CACNA1C: variants seen among roughly 807,000 people sequenced by gnomAD.
The protein encoded by CACNA1C is calcium voltage-gated channel subunit alpha1 C.
Under a neutral mutation model 229.0 loss-of-function variants are expected in CACNA1C, and 30 were observed. That is an observed-to-expected ratio of 0.13 (90% CI 0.10 to 0.18). The LOEUF (loss-of-function observed/expected upper bound fraction) is 0.18, where lower values mean the gene tolerates loss of function less well. Ranked by LOEUF, CACNA1C falls within the 10% of genes least tolerant of loss-of-function variation. The pLI is 1.00. For synonymous variants in CACNA1C, 1,114 were observed against 1,132.5 expected (o/e 0.98, Z 0.33); for missense variants, 1,658 against 2,845.0 (o/e 0.58, Z 9.49).
At chr12:2,524,422 G>C (rs1251911628) in intron 9 of CACNA1C, among the ~76,000 whole-genome samples, 2 of 152,240 alleles carry the variant, frequency 1.3e-5, no homozygotes, top group African/African-American at 4.8e-5. Context: ...AGAAGACAGA[G>C]AGCAGAGTTT....
intron 3 of CACNA1C, among the ~76,000 whole-genome samples, chr12:2,206,772 T>C (rs2097767811): frequency 6.6e-6 from 1 of 152,330 alleles, no homozygotes; most frequent in Admixed American, 6.5e-5. Flanking sequence ...AATGGACCCA[T>C]TGTTGTGTGA....
At chr12:2,071,377 C>CTACTAATTGTTT (rs2061295200) in intron 1 of CACNA1C, among the ~76,000 whole-genome samples, 4 of 151,362 alleles carry the variant, frequency 2.6e-5, no homozygotes, top group African/African-American at 7.3e-5. Flanking sequence ...GGCACCATGC[C>CTACTAATTGTTT]CAACTAATTG....
In CACNA1C at chr12:2,175,590, A is replaced by C. The variant is rs111818517; in HGVS notation, c.477+55160A>C. ...TCCGGGATTGGCAGCCTCATCCTTC[A>C]TCTATTACTGAGGCCCCATCAGCCT... On this transcript the variant is annotated intron_variant, in intron 3 of 46. Transcript: ENST00000399655. Among the ~76,000 whole-genome samples the C allele has an allele frequency of 6.3e-3, 965 of 152,220 alleles. 10 individuals are homozygous for C. The highest frequency in any genetic ancestry group is 0.035 in the South Asian group (166 of 4,808).
chr12:2,072,202 A>C (rs1381775995), intron 1 of CACNA1C, among the ~76,000 whole-genome samples: 10 of 137,744 alleles, frequency 7.3e-5, no homozygotes, highest in Non-Finnish European at 1.5e-5. Flanking sequence ...TATACAAAAA[A>C]TATATATATA....
At chr12:2,615,055 G>A (rs1373623069) in intron 29 of CACNA1C, 1 of 152,120 alleles carries the variant, frequency 6.6e-6, no homozygotes, top group Non-Finnish European at 1.5e-5. Flanking sequence ...AAAGCCTCAG[G>A]AACCTGCAGG....
intron 1 of CACNA1C, among the ~76,000 whole-genome samples, chr12:2,086,675 G>A (rs2067806900): frequency 6.6e-6 from 1 of 152,180 alleles, no homozygotes; most frequent in South Asian, 2.1e-4. Flanking sequence ...ATTTCATTCT[G>A]CAGGGCTTCT....
intron 3 of CACNA1C, among the ~76,000 whole-genome samples, chr12:2,162,179 T>G (rs568303915): frequency 1.1e-4 from 16 of 152,086 alleles, no homozygotes; most frequent in Non-Finnish European, 2.1e-4. Context: ...GGACACACCT[T>G]ACTCCCAAAG....
intron 9 of CACNA1C, among the ~76,000 whole-genome samples, chr12:2,540,786 TG>T (rs1165297141): frequency 6.6e-6 from 1 of 152,014 alleles, no homozygotes; most frequent in East Asian, 1.9e-4. Context: ...GGCAGCCCGG[TG>T]TGGTTGGAGT....
chr12:2,193,891 T>A (rs1000396023), intron 3 of CACNA1C, among the ~76,000 whole-genome samples: 4 of 152,214 alleles, frequency 2.6e-5, no homozygotes, highest in African/African-American at 9.6e-5. Flanking sequence ...GTCTTGGTAT[T>A]GAAGACAGTG....
Position 2,368,889 on chromosome 12 carries a change from G to A in CACNA1C, c.478-80087G>A, listed in dbSNP as rs58166411. ...GAAAGATATGTCATGAGCACAGTGA[G>A]GAAAGGATAAGAGACGGCATTCCTA... On this transcript the variant is annotated intron_variant, in intron 3 of 46. Transcript: ENST00000399655. Among the ~76,000 whole-genome samples, 745 of 152,290 alleles carry A rather than the reference G, an allele frequency of 4.9e-3. 7 individuals are homozygous for A. The highest frequency in any genetic ancestry group is 0.017 in the African/African-American group (696 of 41,544).
intron 3 of CACNA1C, among the ~76,000 whole-genome samples, chr12:2,232,726 GA>G (rs1699787910): frequency 6.6e-6 from 1 of 152,044 alleles, no homozygotes; most frequent in Non-Finnish European, 1.5e-5. Context: ...TTATTAACTA[GA>G]CTTCTCCCAT....
intron 3 of CACNA1C, among the ~76,000 whole-genome samples, chr12:2,438,076 T>A (rs1197270410): frequency 6.7e-6 from 1 of 148,656 alleles, no homozygotes; most frequent in Non-Finnish European, 1.5e-5. Context: ...ATGGTAGTGA[T>A]GGTGGTAATG....
intron 1 of CACNA1C, among the ~76,000 whole-genome samples, chr12:2,035,489 C>A (rs1173359011): frequency 2.0e-5 from 3 of 152,110 alleles, no homozygotes; most frequent in African/African-American, 7.2e-5. Context: ...CCATTTCTTC[C>A]TCCTCCCTTC....
In CACNA1C at chr12:2,094,886, A is replaced by G. The variant is rs146146931; in HGVS notation, c.50-20338A>G. 3.0e-4 allele frequency among the ~76,000 whole-genome samples: 46 copies of G among 152,294 alleles called. 1 individual carries two copies. In the East Asian group the frequency reaches 8.9e-3, roughly 29 times the overall value. On this transcript the variant is annotated intron_variant, in intron 1 of 46. Transcript: ENST00000399655. ...TCCTGTGCCTCTCCTTCATTGCTGC[A>G]GGCCCCAGGGGCTCAACCCCCTTTA...
At chr12:2,071,900 C>T (rs567806149) in intron 1 of CACNA1C, among the ~76,000 whole-genome samples, 1 of 152,210 alleles carries the variant, frequency 6.6e-6, no homozygotes, top group East Asian at 1.9e-4. Context: ...TTCCTTGGTG[C>T]TCTGAGCATG....
chr12:2,281,922 G>GC (rs2091399679), intron 3 of CACNA1C, among the ~76,000 whole-genome samples: 1 of 151,888 alleles, frequency 6.6e-6, no homozygotes, highest in Non-Finnish European at 1.5e-5. Context: ...GTATTAGGCT[G>GC]CTTGACATTG....
chr12:2,262,363 C>T (rs989813103), intron 3 of CACNA1C, among the ~76,000 whole-genome samples: 1 of 152,248 alleles, frequency 6.6e-6, no homozygotes, highest in African/African-American at 2.4e-5. Context: ...ACCTATTAAA[C>T]ACCTGGTGTG....
At chr12:2,109,750 C>T (rs1453610288) in intron 1 of CACNA1C, among the ~76,000 whole-genome samples, 2 of 152,184 alleles carry the variant, frequency 1.3e-5, no homozygotes, top group Non-Finnish European at 2.9e-5. Context: ...TACTGCAGCA[C>T]TTGTGGGCAA....
chr12:2,055,273 G>A (rs2054222628), intron 1 of CACNA1C, among the ~76,000 whole-genome samples: 1 of 152,194 alleles, frequency 6.6e-6, no homozygotes, highest in Non-Finnish European at 1.5e-5. Flanking sequence ...TGGTATTTGT[G>A]AAGAGTGGGG....
Sources: allele counts gnomAD v4.1 joint callset (sites outside exome capture counted in the v4.1 genomes callset), GRCh38; gene constraint gnomAD v4.1.1; transcripts MANE v1.5; gene names NCBI Gene and HGNC (gene_info 2026-07-23, HGNC 2026-07-21).